Variants in CPLANE1 observed in about 807,000 individuals in gnomAD.
CPLANE1 encodes the protein ciliogenesis and planar polarity effector complex subunit 1.
Under a neutral mutation model 362.5 loss-of-function variants are expected in CPLANE1, and 263 were observed. The observed-to-expected ratio is 0.73, with a 90% confidence interval of 0.66 to 0.80. CPLANE1 has a LOEUF of 0.80. Among genes scored for constraint, CPLANE1 ranks in the 30% least tolerant of loss-of-function variants. CPLANE1 has a pLI of 0.00. For missense variants in CPLANE1, 3,461 were observed against 3,793.4 expected, an observed-to-expected ratio of 0.91 and a Z score of 2.30; for synonymous variants, 1,212 against 1,302.6, an observed-to-expected ratio of 0.93 and a Z score of 1.50.
chr5:37,194,347 C>A (rs189809141), intron 21 of CPLANE1, among the ~76,000 whole-genome samples: 327 of 152,282 alleles, frequency 2.1e-3, no homozygotes, highest in Admixed American at 3.4e-3. Context: ...GTGTTCAAAT[C>A]TTTATTTAAG....
intron 32 of CPLANE1, among the ~76,000 whole-genome samples, chr5:37,173,213 A>C (rs1217259282): frequency 6.6e-6 from 1 of 152,232 alleles, no homozygotes. Flanking sequence ...CAAAGTGAAC[A>C]GTAATTTGAA....
In CPLANE1 at chr5:37,115,069, T is replaced by C. The variant is rs534333376; in HGVS notation, c.9311-20A>G. The C allele has an allele frequency of 5.8e-5, 83 of 1,435,684 alleles. No homozygotes were observed. Among genetic ancestry groups the C allele is most frequent in the East Asian group, 9.1e-5 (4 of 44,080 alleles). The allele number at this position is 1,435,684 out of a possible 1,614,324, so 88.9% of individuals were successfully genotyped here. A position where few individuals can be genotyped will look rare whatever the true frequency, so the allele number is the denominator to read the frequency against. On this transcript the variant is annotated intron_variant, in intron 50 of 52. Transcript: ENST00000651892. ...CAGTTCCTATACAGAGAGACAAACA[T>C]TATTAGCCTTCCATAGACATCCATG...
chr5:37,162,868 C>T (rs1038032166), intron 37 of CPLANE1, among the ~76,000 whole-genome samples: 2 of 152,010 alleles, frequency 1.3e-5, no homozygotes, highest in Admixed American at 6.6e-5. Flanking sequence ...TTAGGAGAGA[C>T]GGGGTTTCGC....
Position 37,140,205 on chromosome 5 carries a change from T to C in CPLANE1, c.8633-835A>G, listed in dbSNP as rs140368594. 288 of 882,294 alleles carry C rather than the reference T, an allele frequency of 3.3e-4. 4 individuals are homozygous for C. In the African/African-American group the frequency reaches 5.0e-3, roughly 15 times the overall value. The allele number at this position is 882,294 out of a possible 1,614,324, so 54.7% of individuals were successfully genotyped here. ...GTTTAATTCTAAAAACAGGATTGAA[T>C]TAATATAGGGAAAAGTGTTCTGACA... On this transcript the variant is annotated intron_variant, in intron 44 of 52. Transcript: ENST00000651892.
Position 37,149,210 on chromosome 5 carries a change from GT to G in CPLANE1, c.8374-943del, listed in dbSNP as rs558980464. Among the ~76,000 whole-genome samples, 7 of 152,210 alleles carry G rather than the reference GT, an allele frequency of 4.6e-5. No individual in the cohort carries two copies. In the South Asian group the frequency reaches 1.5e-3, roughly 32 times the overall value. On this transcript the variant is annotated intron_variant, in intron 42 of 52. Transcript: ENST00000651892. The stretch of plus-strand genomic sequence containing the variant: ...CCAGTGGATGCCTGAAACGGTGGGG[GT>G]AGTACCGAACCTTATATATAGTTGT...
At chr5:37,080,810 C>T in the CPLANE1 span, among the ~76,000 whole-genome samples, 1 of 152,058 alleles carries the variant, frequency 6.6e-6, no homozygotes, top group Admixed American at 6.5e-5. Flanking sequence ...GAGTAAGGCC[C>T]ACAAAGCATA....
At chr5:37,206,851 G>C (rs1406943805) in intron 16 of CPLANE1, among the ~76,000 whole-genome samples, 1 of 151,764 alleles carries the variant, frequency 6.6e-6, no homozygotes, top group Non-Finnish European at 1.5e-5. Context: ...ACTGTGGGAT[G>C]CTCAGAAATA....
intron 16 of CPLANE1, chr5:37,211,608 A>G: frequency 1.1e-6 from 1 of 870,294 alleles, no homozygotes; most frequent in Non-Finnish European, 2.0e-6. Flanking sequence ...AAGCCTTGAA[A>G]GTGAAATATA....
chr5:37,087,744 C>A, the CPLANE1 span, among the ~76,000 whole-genome samples: 1 of 152,224 alleles, frequency 6.6e-6, no homozygotes. Flanking sequence ...GCATGAGCCA[C>A]CGCACCTGGC....
chr5:37,120,496 G>C (rs767679319), intron 49 of CPLANE1, among the ~76,000 whole-genome samples, 156 bp from the exon 50 acceptor site: 10 of 152,026 alleles, frequency 6.6e-5, no homozygotes, highest in Non-Finnish European at 1.3e-4. Context: ...CTGGAACCCA[G>C]AGAGTCGAGG....
chr5:37,165,438 C>G, intron 36 of CPLANE1, 101 bp downstream of exon 36: 1 of 1,117,584 alleles, frequency 8.9e-7, no homozygotes, highest in Non-Finnish European at 1.3e-6. Flanking sequence ...CTCCTAGTCA[C>G]AGTCAGAAGC....
At chr5:37,246,285 C>T (rs540664556) in intron 2 of CPLANE1, 37 of 151,732 alleles carry the variant, frequency 2.4e-4, no homozygotes, top group African/African-American at 8.5e-4. Context: ...TGACCTGGAC[C>T]AGTTCACCAT....
At chr5:37,158,191 G>C (rs1477838064) in intron 39 of CPLANE1, 33 bp downstream of exon 39, 1 of 1,602,644 alleles carries the variant, frequency 6.2e-7, no homozygotes, top group African/African-American at 1.3e-5. Context: ...TTAGCGCAAA[G>C]GTATTATTAA....
chr5:37,142,324 T>A lies in CPLANE1; in HGVS notation c.8618A>T (p.Asn2873Ile). 6.3e-7 allele frequency: 1 copy of A among 1,597,554 alleles called. No homozygotes were observed. Among genetic ancestry groups the A allele is most frequent in the South Asian group, 1.1e-5 (1 of 87,948 alleles). The change falls in exon 44 of 53, where the codon AAT becomes ATT. Residue 2873 changes from asparagine (N) to isoleucine (I), a missense_variant. Coordinates refer to ENST00000651892, the MANE Select transcript of CPLANE1 (RefSeq NM_001384732.1). Reference protein sequence around the residue: ...AVSLSSSSDQNTTSPGMNSSD... With the variant: ...AVSLSSSSDQITTSPGMNSSD... ...AAGAACAATACCAGGAGAAGTAGTA[T>A]TCTGATCACTGGAACTGGAAAGGCT...
chr5:37,163,944 G>T (rs1777558501), intron 37 of CPLANE1, among the ~76,000 whole-genome samples: 1 of 152,198 alleles, frequency 6.6e-6, no homozygotes, highest in African/African-American at 2.4e-5. Context: ...GAAGCAAACA[G>T]GTTAAGGGAG....
rs375729908 is a variant in CPLANE1 at position 37,142,532 on chromosome 5, T to A, written c.8462-52A>T. ...AAATAAAATAGTAGAGGAAAAAAGA[T>A]CACATGGAAAAGACAATTGCCACTA... On this transcript the variant is annotated intron_variant, in intron 43 of 52. Transcript: ENST00000651892. 3.3e-3 allele frequency: 4,078 copies of A among 1,232,970 alleles called. 12 individuals carry two copies. Among genetic ancestry groups the A allele is most frequent in the Non-Finnish European group, 3.6e-3 (3,344 of 920,146 alleles). 76.4% of individuals were successfully genotyped at this position (1,232,970 alleles called of 1,614,324 possible). A position where few individuals can be genotyped will look rare whatever the true frequency, so the allele number is the denominator to read the frequency against.
chr5:37,113,778 T>A (rs1453983195), intron 51 of CPLANE1, among the ~76,000 whole-genome samples: 1 of 152,206 alleles, frequency 6.6e-6, no homozygotes, highest in Non-Finnish European at 1.5e-5. Flanking sequence ...ATATTTCTCA[T>A]CATTTTTCAC....
chr5:37,133,287 G>GT (rs963225643), intron 46 of CPLANE1, among the ~76,000 whole-genome samples: 38 of 151,508 alleles, frequency 2.5e-4, no homozygotes, highest in Middle Eastern at 3.4e-3. Flanking sequence ...TTTTAGAATA[G>GT]TTTTTTTTTC....
At chr5:37,092,506 C>A in the CPLANE1 span, among the ~76,000 whole-genome samples, 1 of 152,232 alleles carries the variant, frequency 6.6e-6, no homozygotes, top group Admixed American at 6.5e-5. Flanking sequence ...TCACAGGGGA[C>A]AAGCCCATAG....
Sources: allele counts gnomAD v4.1 joint callset (sites outside exome capture counted in the v4.1 genomes callset), GRCh38; gene constraint gnomAD v4.1.1; transcripts MANE v1.5; gene names NCBI Gene and HGNC (gene_info 2026-07-23, HGNC 2026-07-21).